The following GRM7 variants were observed in gnomAD, a reference collection of about 807,000 sequenced individuals.
GRM7 encodes the protein metabotropic glutamate receptor 7.
A neutral mutation model predicts 84.5 loss-of-function variants in GRM7; 35 were observed. That is an observed-to-expected ratio of 0.41 (90% CI 0.32 to 0.55). The LOEUF is 0.55. GRM7 is among the 20% of genes least tolerant of loss of function. The probability of loss-of-function intolerance (pLI) is 0.19; values close to 1 mark genes in which losing one functional copy is unlikely to be tolerated. For missense variants in GRM7, 1,003 were observed against 1,194.6 expected, an observed-to-expected ratio of 0.84 and a Z score of 2.36; for synonymous variants, 487 against 455.1, an observed-to-expected ratio of 1.07 and a Z score of -0.89.
At position 6,994,242 on chromosome 3, in the gene GRM7, TACTATTTCAGAG is replaced by T. The variant is rs1559372863; in HGVS notation, c.519+132339_519+132350del. Among the ~76,000 whole-genome samples, 7 of 152,264 alleles carry T rather than the reference TACTATTTCAGAG, an allele frequency of 4.6e-5. No individual in the cohort carries two copies. In the South Asian group the frequency reaches 1.5e-3, roughly 32 times the overall value. On this transcript the variant is annotated intron_variant, in intron 1 of 9. Coordinates refer to ENST00000357716, the MANE Select transcript of GRM7 (RefSeq NM_000844.4). ...TGTTGGATTGTGCAATTATGTAAAT[TACTATTTCAGAG>T]ACTTTGATGGTGAAGGAGCAATGTG... is the stretch of plus-strand genomic sequence containing the variant.
intron 1 of GRM7, among the ~76,000 whole-genome samples, chr3:6,866,981 C>A (rs1694958941): frequency 6.6e-6 from 1 of 152,156 alleles, no homozygotes; most frequent in African/African-American, 2.4e-5. Flanking sequence ...GGCCATCCAA[C>A]ACAAGGAGAG....
At chr3:7,267,560 G>T (rs1011052357) in intron 2 of GRM7, among the ~76,000 whole-genome samples, 16 of 152,302 alleles carry the variant, frequency 1.1e-4, no homozygotes, top group Non-Finnish European at 2.1e-4. Flanking sequence ...GTTGGGTCTA[G>T]GTCCTGCTGC....
At chr3:7,125,218 C>A (rs892611174) in intron 1 of GRM7, among the ~76,000 whole-genome samples, 14 of 152,122 alleles carry the variant, frequency 9.2e-5, no homozygotes, top group African/African-American at 3.1e-4. Context: ...GGATTACAGG[C>A]GTGAGCCACC....
chr3:7,039,949 G>T (rs1351378655), intron 1 of GRM7, among the ~76,000 whole-genome samples: 2 of 152,094 alleles, frequency 1.3e-5, no homozygotes, highest in African/African-American at 2.4e-5. Context: ...TTTTTGCCGA[G>T]TTCAGAACTG....
At chr3:7,380,447 T>C (rs932492035) in intron 4 of GRM7, among the ~76,000 whole-genome samples, 1 of 152,238 alleles carries the variant, frequency 6.6e-6, no homozygotes, top group Non-Finnish European at 1.5e-5. Flanking sequence ...AGAGTTGAAA[T>C]GTTGCATTTC....
intron 1 of GRM7, among the ~76,000 whole-genome samples, chr3:6,889,190 G>C (rs1695830433): frequency 6.6e-6 from 1 of 152,100 alleles, no homozygotes; most frequent in South Asian, 2.1e-4. Context: ...GGGACAATTT[G>C]ACTTCCTCTT....
intron 7 of GRM7, among the ~76,000 whole-genome samples, chr3:7,569,199 C>A (rs1329988677): frequency 6.7e-6 from 1 of 148,778 alleles, no homozygotes; most frequent in East Asian, 2.0e-4. Flanking sequence ...GTGAATGCAC[C>A]AATCTACACT....
At chr3:7,547,573 CA>C (rs1338758329) in intron 7 of GRM7, among the ~76,000 whole-genome samples, 1 of 151,966 alleles carries the variant, frequency 6.6e-6, no homozygotes, top group African/African-American at 2.4e-5. Flanking sequence ...ATGGTGCTTC[CA>C]AAAAAATCCT....
intron 1 of GRM7, among the ~76,000 whole-genome samples, chr3:7,131,763 G>T (rs927665669): frequency 1.3e-5 from 2 of 152,090 alleles, no homozygotes; most frequent in Admixed American, 1.3e-4. Context: ...GGGATTACAG[G>T]CGTGAGCCAC....
At chr3:7,334,688 A>G (rs992329325) in intron 4 of GRM7, among the ~76,000 whole-genome samples, 1 of 152,162 alleles carries the variant, frequency 6.6e-6, no homozygotes. Flanking sequence ...TCTAGCACAT[A>G]AGGACTCACA....
At chr3:7,714,826 T>C (rs565838528) in intron 9 of GRM7, among the ~76,000 whole-genome samples, 1 of 152,342 alleles carries the variant, frequency 6.6e-6, no homozygotes, top group East Asian at 1.9e-4. Flanking sequence ...CAGAGGTCTA[T>C]TGGTGCAACA....
chr3:7,452,621 G>A lies in GRM7; in HGVS notation c.1189G>A (p.Gly397Arg). ...TTAATGTGCAGGACAGGAGAGAATT[G>A]GAAAAGATTCCAACTATGAGCAGGA... ...DRKCTGQERI[G>R]KDSNYEQEGK... Residue 397 changes from glycine (G) to arginine (R), a missense_variant, in exon 6 of 10, where the codon GGA becomes AGA. This residue lies in a region of GRM7 where 910 missense variants were observed against 1,126.0 expected (regional missense o/e 0.81). Transcript: ENST00000357716. 6.2e-7 allele frequency: 1 copy of A among 1,605,218 alleles called. No homozygotes were observed. The highest frequency in any genetic ancestry group is 8.5e-7 in the Non-Finnish European group (1 of 1,172,194).
At chr3:7,555,721 C>G (rs1162035178) in intron 7 of GRM7, among the ~76,000 whole-genome samples, 1 of 152,086 alleles carries the variant, frequency 6.6e-6, no homozygotes. Flanking sequence ...AGGAGTAACT[C>G]ATAAAACATT....
intron 4 of GRM7, among the ~76,000 whole-genome samples, chr3:7,328,096 A>C (rs1701054919): frequency 1.3e-5 from 2 of 152,192 alleles, no homozygotes; most frequent in South Asian, 2.1e-4. Flanking sequence ...TGCAAAACCA[A>C]CTATGGCACT....
intron 4 of GRM7, among the ~76,000 whole-genome samples, chr3:7,321,782 C>T (rs12490710): frequency 0.01 from 1,582 of 152,146 alleles, 22 homozygotes; most frequent in Admixed American, 0.012. Flanking sequence ...ATTTATTCTA[C>T]ATAAGCCAAG....
intron 9 of GRM7, among the ~76,000 whole-genome samples, chr3:7,732,537 A>G (rs143009611): frequency 1.6e-3 from 249 of 152,318 alleles, no homozygotes; most frequent in Middle Eastern, 0.014. Flanking sequence ...CCAGTTAAGG[A>G]AAAAAGGCAA....
chr3:7,184,090 A>C (rs1695434195), intron 2 of GRM7, among the ~76,000 whole-genome samples: 2 of 152,164 alleles, frequency 1.3e-5, no homozygotes, highest in Non-Finnish European at 2.9e-5. Context: ...GAGGATGATT[A>C]AAGAGAAAAA....
chr3:7,568,977 G>A (rs1025643270), intron 7 of GRM7, among the ~76,000 whole-genome samples: 8 of 152,168 alleles, frequency 5.3e-5, no homozygotes, highest in African/African-American at 1.2e-4. Flanking sequence ...TGAGGAGTGC[G>A]GGCGCACATT....
chr3:7,614,000 G>T (rs896683422), intron 8 of GRM7, among the ~76,000 whole-genome samples: 1 of 152,052 alleles, frequency 6.6e-6, no homozygotes, highest in Admixed American at 6.5e-5. Context: ...GCAGTGGCTC[G>T]CACTTGTAAT....
Sources: gnomAD v4.1 joint callset for allele counts (sites outside exome capture counted in the v4.1 genomes callset) on GRCh38, gnomAD v4.1.1 for gene constraint, gnomAD v4.1.1 regional missense constraint, MANE v1.5 for transcripts, NCBI Gene and HGNC (gene_info 2026-07-23, HGNC 2026-07-21) for gene names.